WWOX: variants seen among roughly 807,000 people sequenced by gnomAD.
The protein encoded by WWOX is WW domain-containing oxidoreductase.
Under a neutral mutation model 46.2 loss-of-function variants are expected in WWOX, and 69 were observed. The ratio of observed to expected loss-of-function variants is 1.49; its 90% CI spans 1.23 to 1.82. WWOX has a LOEUF of 1.82. WWOX is among the 40% of genes most tolerant of loss of function. The pLI, the probability that WWOX is intolerant of heterozygous loss-of-function variation, is 0.00. For missense variants in WWOX, 919 were observed against 542.6 expected, an observed-to-expected ratio of 1.69 and a Z score of -6.89; for synonymous variants, 359 against 202.6, an observed-to-expected ratio of 1.77 and a Z score of -6.56.
At chr16:78,473,734 C>G (rs1268715895) in intron 8 of WWOX, among the ~76,000 whole-genome samples, 3 of 152,116 alleles carry the variant, frequency 2.0e-5, no homozygotes, top group African/African-American at 4.8e-5. Flanking sequence ...ACTCCCAGGT[C>G]TTTGCAAGGT....
Position 79,029,302 on chromosome 16 carries a change from G to C in WWOX, c.1057-182306G>C, listed in dbSNP as rs1321452808. Among the ~76,000 whole-genome samples the C allele has an allele frequency of 2.6e-5, 4 of 152,268 alleles. No individual in the cohort carries two copies. The South Asian group carries it at 8.3e-4, about 32-fold the overall frequency. ...ATGTTTCTTACATCCTCAGCTGCAG[G>C]CATGGGGAAGAGACGCACATCAGCC... On this transcript the variant is annotated intron_variant, in intron 8 of 8. Coordinates refer to ENST00000566780, the MANE Select transcript of WWOX (RefSeq NM_016373.4).
At chr16:78,305,917 T>TAAA (rs1208769763) in intron 5 of WWOX, among the ~76,000 whole-genome samples, 1 of 152,168 alleles carries the variant, frequency 6.6e-6, no homozygotes, top group African/African-American at 2.4e-5. Context: ...GCTCAGTTCT[T>TAAA]TTTTGAGTGA....
intron 8 of WWOX, among the ~76,000 whole-genome samples, chr16:78,892,785 G>A (rs952074446): frequency 1.3e-5 from 2 of 152,282 alleles, no homozygotes; most frequent in Admixed American, 1.3e-4. Flanking sequence ...AGTTTTGTTA[G>A]CCACGATTTG....
chr16:78,707,593 C>G (rs921464246), intron 8 of WWOX, among the ~76,000 whole-genome samples: 1 of 152,068 alleles, frequency 6.6e-6, no homozygotes, highest in Non-Finnish European at 1.5e-5. Context: ...AGTATTCAAT[C>G]TTTTTAAGGC....
chr16:78,941,636 A>G (rs1865383327), intron 8 of WWOX, among the ~76,000 whole-genome samples: 1 of 152,156 alleles, frequency 6.6e-6, no homozygotes, highest in Non-Finnish European at 1.5e-5. Context: ...TGCTCAGAAA[A>G]TAGAGCATTT....
At chr16:78,772,628 C>G (rs534483279) in intron 8 of WWOX, among the ~76,000 whole-genome samples, 28 of 152,222 alleles carry the variant, frequency 1.8e-4, no homozygotes, top group South Asian at 6.2e-4. Context: ...TTGTTATTAC[C>G]AGCATGGCTA....
chr16:79,025,548 G>C (rs553537324), intron 8 of WWOX, among the ~76,000 whole-genome samples: 5 of 152,014 alleles, frequency 3.3e-5, no homozygotes, highest in African/African-American at 4.8e-5. Flanking sequence ...AGGGCTGCTG[G>C]CACCCCCAGA....
chr16:78,489,549 G>A (rs967168092), intron 8 of WWOX, among the ~76,000 whole-genome samples: 7 of 151,846 alleles, frequency 4.6e-5, no homozygotes, highest in Admixed American at 1.3e-4. Context: ...AAATATGTAC[G>A]TAACACAAAT....
chr16:78,821,966 T>C (rs1486660799), intron 8 of WWOX, among the ~76,000 whole-genome samples: 1 of 152,180 alleles, frequency 6.6e-6, no homozygotes, highest in Non-Finnish European at 1.5e-5. Context: ...AGCCTCGACC[T>C]ACCAGGCTCA....
chr16:78,904,337 C>T (rs547413377), intron 8 of WWOX, among the ~76,000 whole-genome samples: 27 of 146,864 alleles, frequency 1.8e-4, no homozygotes, highest in Non-Finnish European at 2.7e-4. Context: ...CTCCCGGGTT[C>T]AAGCAATTCT....
intron 5 of WWOX, among the ~76,000 whole-genome samples, chr16:78,355,244 G>C (rs954107678): frequency 2.6e-5 from 3 of 116,476 alleles, no homozygotes; most frequent in Admixed American, 8.2e-5. Flanking sequence ...TCCTGTGTGT[G>C]TGTGTGTCTG....
At chr16:78,852,721 C>T (rs1036743415) in intron 8 of WWOX, among the ~76,000 whole-genome samples, 3 of 152,126 alleles carry the variant, frequency 2.0e-5, no homozygotes, top group South Asian at 2.1e-4. Context: ...AGCCCATATG[C>T]GCTGCCTACA....
chr16:78,509,296 C>G (rs1312739108), intron 8 of WWOX, among the ~76,000 whole-genome samples: 1 of 152,064 alleles, frequency 6.6e-6, no homozygotes, highest in Non-Finnish European at 1.5e-5. Flanking sequence ...AAAAGTTAGC[C>G]GAGCGTGATG....
intron 5 of WWOX, among the ~76,000 whole-genome samples, chr16:78,384,046 A>G (rs1046829367): frequency 4.6e-5 from 7 of 152,202 alleles, no homozygotes; most frequent in Admixed American, 6.5e-5. Context: ...TGGCTGTGCT[A>G]TCATTTTTGT....
intron 8 of WWOX, among the ~76,000 whole-genome samples, chr16:78,684,332 C>T (rs1162626084): frequency 6.6e-6 from 1 of 152,084 alleles, no homozygotes; most frequent in Non-Finnish European, 1.5e-5. Flanking sequence ...AATACAAAAC[C>T]CACCTAAGTA....
chr16:79,126,593 G>C (rs1383970033), intron 8 of WWOX, among the ~76,000 whole-genome samples: 1 of 152,134 alleles, frequency 6.6e-6, no homozygotes, highest in Non-Finnish European at 1.5e-5. Context: ...CCAGTCATGT[G>C]AAACGGTGAG....
At chr16:78,324,241 A>G (rs2080557708) in intron 5 of WWOX, among the ~76,000 whole-genome samples, 1 of 152,092 alleles carries the variant, frequency 6.6e-6, no homozygotes, top group African/African-American at 2.4e-5. Context: ...CCCTGGTCTT[A>G]GATACTGCTC....
chr16:78,822,627 G>A (rs750186710), intron 8 of WWOX, among the ~76,000 whole-genome samples: 2 of 152,256 alleles, frequency 1.3e-5, no homozygotes, highest in South Asian at 4.2e-4. Context: ...CAGTGGTCAC[G>A]TGTTCCTAAT....
At chr16:78,276,692 G>A (rs2079584996) in intron 5 of WWOX, among the ~76,000 whole-genome samples, 1 of 152,188 alleles carries the variant, frequency 6.6e-6, no homozygotes, top group African/African-American at 2.4e-5. Context: ...TGCATGAATT[G>A]TGCTTTAAGA....
Sources: allele counts gnomAD v4.1 joint callset (sites outside exome capture counted in the v4.1 genomes callset), GRCh38; gene constraint gnomAD v4.1.1; transcripts MANE v1.5; gene names NCBI Gene and HGNC (gene_info 2026-07-23, HGNC 2026-07-21).